Variants in NBPF9 observed in about 807,000 individuals in gnomAD.
The protein encoded by NBPF9 is NBPF member 9, also known as NBPF family member NBPF9.
In NBPF9, 91 loss-of-function variants were observed where a neutral mutation model predicts 97.8. The observed-to-expected ratio is 0.93, with a 90% CI of 0.79 to 1.11. The LOEUF (loss-of-function observed/expected upper bound fraction) is 1.11. NBPF9 is among the 50% of genes least tolerant of loss of function. The probability of loss-of-function intolerance (pLI) is 0.00; values close to 1 mark genes in which losing one functional copy is unlikely to be tolerated. For missense variants in NBPF9, 992 were observed against 939.5 expected (o/e 1.06, Z -0.73); for synonymous variants, 334 against 359.5 (o/e 0.93, Z 0.80).
At chr1:149,070,816 G>A in intron 16 of NBPF9, 118 bp downstream of exon 16, 1 of 1,478,714 alleles carries the variant, frequency 6.8e-7, no homozygotes. Context: ...CCTGATATCT[G>A]TTTAGAAACC....
chr1:149,075,079 G>A (rs1188338805), intron 12 of NBPF9, among the ~76,000 whole-genome samples: 3 of 151,360 alleles, frequency 2.0e-5, no homozygotes, highest in Non-Finnish European at 3.0e-5. Context: ...CAAAGTGCTG[G>A]GATTACAGGA....
In NBPF9 at chr1:149,064,821, C is replaced by A. The variant is rs587643695; in HGVS notation, c.1802-339G>T. ...GAGAGATACTTCAATATTAAGCTTT[C>A]TCTCATCAAATACCCAGAATTTGAT... On this transcript the variant is annotated intron_variant, in intron 18 of 29. Transcript: ENST00000584027. 424 of 557,550 alleles carry A rather than the reference C, an allele frequency of 7.6e-4. 5 individuals are homozygous for A. The highest frequency in any genetic ancestry group is 6.5e-3 in the African/African-American group (342 of 52,632). 34.5% of individuals were successfully genotyped at this position (557,550 alleles called of 1,614,324 possible). A position where few individuals can be genotyped will look rare whatever the true frequency, so the allele number is the denominator to read the frequency against.
At chr1:149,103,454 G>A (rs1484818208) in exon 1 of NBPF9, 4 of 152,344 alleles carry the variant, frequency 2.6e-5, no homozygotes, top group African/African-American at 9.7e-5. Flanking sequence ...GCTGCCTCGC[G>A]ACGCTCACCT....
chr1:149,055,806 T>A (rs781832279), exon 30 of NBPF9: 2 of 1,610,092 alleles, frequency 1.2e-6, no homozygotes, highest in African/African-American at 1.3e-5. Flanking sequence ...ATGAGTCAGG[T>A]AGTTCAAAGT....
chr1:149,071,958 C>T (rs1418879520), intron 14 of NBPF9, among the ~76,000 whole-genome samples: 3 of 150,050 alleles, frequency 2.0e-5, no homozygotes, highest in Non-Finnish European at 4.4e-5. Context: ...TGGACGTTGG[C>T]AGCTGTCTCC....
chr1:149,075,494 C>A (rs1358407748), intron 12 of NBPF9, among the ~76,000 whole-genome samples, 161 bp downstream of exon 12: 3 of 147,336 alleles, frequency 2.0e-5, no homozygotes, highest in Non-Finnish European at 3.0e-5. Context: ...ACTTTGGTAC[C>A]TCTGTCTTCC....
rs2078506069 is a variant in NBPF9, at chr1:149,060,153, A to C, written c.2477-345T>G. 2 of 206,986 alleles carry C rather than the reference A, an allele frequency of 9.7e-6. 1 individual carries two copies. The highest frequency in any genetic ancestry group is 7.1e-5 in the African/African-American group (2 of 27,984). 12.8% of individuals were successfully genotyped at this position (206,986 alleles called of 1,614,324 possible). ...CTGCAATATTTAGCCCTGTCTCATC[A>C]AATACTCAGATTGTTCATGGTTGTG... On this transcript the variant is annotated intron_variant, in intron 24 of 29. Coordinates refer to ENST00000584027, the Ensembl canonical transcript of NBPF9.
At chr1:149,078,644 C>G (rs797034622) in intron 9 of NBPF9, among the ~76,000 whole-genome samples, 1,011 of 96,450 alleles carry the variant, frequency 0.01, no homozygotes, top group East Asian at 0.028. Flanking sequence ...CTCACCGACA[C>G]TTACTAAGAA....
intron 11 of NBPF9, among the ~76,000 whole-genome samples, chr1:149,076,683 C>A (rs868941584): frequency 7.0e-6 from 1 of 143,640 alleles, no homozygotes; most frequent in Admixed American, 7.0e-5. Context: ...TTTTTTTTTG[C>A]ATTTTTAGTA....
Position 149,077,806 on chromosome 1 carries a change from G to A in NBPF9, c.566+77C>T. On this transcript the variant is annotated intron_variant, in intron 10 of 29. Coordinates refer to ENST00000584027, the Ensembl canonical transcript of NBPF9. ...GGATGCGGGCTTTTGGCCCACCATA[G>A]ATGCCAGAGAGGGTGTGCCTCCTAG... 5 of 1,584,040 alleles carry A rather than the reference G, an allele frequency of 3.2e-6. No individual in the cohort carries two copies. The South Asian group carries it at 5.5e-5, about 18-fold the overall frequency.
At chr1:149,086,287 A>C (rs2080992822) in intron 5 of NBPF9, among the ~76,000 whole-genome samples, 1 of 151,986 alleles carries the variant, frequency 6.6e-6, no homozygotes, top group Non-Finnish European at 1.5e-5. Flanking sequence ...GGAAAAAAAA[A>C]AAAAAGAAGC....
chr1:149,055,505 C>T, exon 30 of NBPF9: 1 of 1,526,070 alleles, frequency 6.6e-7, no homozygotes, highest in Non-Finnish European at 8.8e-7. Flanking sequence ...CACAGGTTGC[C>T]ACTGGCATGG....
intron 4 of NBPF9, among the ~76,000 whole-genome samples, chr1:149,091,515 G>A (rs1219380854): frequency 6.6e-6 from 1 of 151,902 alleles, no homozygotes; most frequent in South Asian, 2.1e-4. Flanking sequence ...CAACATGGAT[G>A]AATCTCAAAA....
In NBPF9 at chr1:149,062,358, T is replaced by G. The variant is rs587716037; in HGVS notation, c.2079-93A>C. 672 of 634,056 alleles carry G rather than the reference T, an allele frequency of 1.1e-3. 40 individuals are homozygous for G. The highest frequency in any genetic ancestry group is 0.011 in the African/African-American group (529 of 50,134). The allele number at this position is 634,056 out of a possible 1,614,324, so 39.3% of individuals were successfully genotyped here. Reference sequence around the variant, plus strand: ...TTCATGGCTAACATAAGGAACTGTTTAAAAAGAAAAAGGACAGATCCATTA... The same window carrying G: ...TTCATGGCTAACATAAGGAACTGTTGAAAAAGAAAAAGGACAGATCCATTA... On this transcript the variant is annotated intron_variant, in intron 21 of 29. Coordinates refer to ENST00000584027, the Ensembl canonical transcript of NBPF9.
At position 149,074,136 on chromosome 1, in the gene NBPF9, T is replaced by G. The variant is rs868940999; in HGVS notation, c.989-266A>C. On this transcript the variant is annotated intron_variant, in intron 12 of 29. Transcript: ENST00000584027. ...CAACCACAACGAAGTGGAGTCAGAA[T>G]TCACAGTCCCTGAGGTCTGACTCTG... is the stretch of plus-strand genomic sequence containing the variant. Among the ~76,000 whole-genome samples the G allele has an allele frequency of 4.6e-5, 7 of 150,698 alleles. 1 individual carries two copies.
intron 10 of NBPF9, 74 bp from the exon 11 acceptor site, chr1:149,077,493 G>A: frequency 1.3e-6 from 2 of 1,595,930 alleles, no homozygotes. Flanking sequence ...GTACTAGCTG[G>A]TTTTGACAGG....
chr1:149,095,677 C>G (rs1214407860), intron 4 of NBPF9, among the ~76,000 whole-genome samples: 2 of 145,058 alleles, frequency 1.4e-5, no homozygotes, highest in African/African-American at 5.1e-5. Context: ...ATAAGATATA[C>G]AGATGGCAAA....
At chr1:149,071,046 G>A (rs1265406390) in exon 16 of NBPF9, 8 of 1,611,298 alleles carry the variant, frequency 5.0e-6, no homozygotes, top group East Asian at 2.2e-5. Flanking sequence ...GTGGCTGGTT[G>A]GAGTCATAAG....
Position 149,077,912 on chromosome 1 carries a change from A to G in NBPF9, c.537T>C (p.Asp179=), listed in dbSNP as rs782256819. Residue 179 remains aspartate, a synonymous_variant, in exon 10 of 30, where the codon GAT becomes GAC. Coordinates refer to ENST00000584027, the Ensembl canonical transcript of NBPF9. ...GGGCAGATGATTCCAGTACTTTCTC[A>G]TCCTCCTCAACTTGAACATCTTCAT... 25 of 1,483,460 alleles carry G rather than the reference A, an allele frequency of 1.7e-5. 1 individual carries two copies. The East Asian group carries it at 5.0e-4, about 30-fold the overall frequency. The allele number at this position is 1,483,460 out of a possible 1,614,324, so 91.9% of individuals were successfully genotyped here.
Sources: gnomAD v4.1 joint callset for allele counts (sites outside exome capture counted in the v4.1 genomes callset) on GRCh38, gnomAD v4.1.1 for gene constraint, MANE v1.5 for transcripts, NCBI Gene and HGNC (gene_info 2026-07-23, HGNC 2026-07-21) for gene names.